Variants in PTGER3 observed in about 807,000 individuals in gnomAD.
The protein encoded by PTGER3 is prostaglandin E2 receptor EP3 subtype.
PTGER3 carries 22 observed loss-of-function variants against 34.7 expected under a neutral mutation model. The observed-to-expected ratio is 0.63, with a 90% CI of 0.45 to 0.91. The LOEUF (loss-of-function observed/expected upper bound fraction) is 0.91. Among genes scored for constraint, PTGER3 ranks in the 40% least tolerant of loss-of-function variants. PTGER3 has a pLI of 0.00. For synonymous variants in PTGER3, 241 were observed against 230.1 expected (o/e 1.05, Z -0.43); for missense variants, 468 against 519.4 (o/e 0.90, Z 0.96).
chr1:70,873,860 G>A (rs1360830846), intron 4 of PTGER3, among the ~76,000 whole-genome samples: 2 of 152,056 alleles, frequency 1.3e-5, no homozygotes, highest in East Asian at 1.9e-4. Flanking sequence ...TGTTGGCCAG[G>A]AGGGGGTTTT....
At chr1:70,863,334 T>C (rs6685646) in intron 4 of PTGER3, among the ~76,000 whole-genome samples, 24,312 of 152,056 alleles carry the variant, frequency 0.16, 2,428 homozygotes, top group African/African-American at 0.29. Context: ...TAAGCATCCT[T>C]AGGGTGCTTT....
chr1:70,962,037 T>A (rs1240730881), intron 2 of PTGER3, among the ~76,000 whole-genome samples: 1 of 152,182 alleles, frequency 6.6e-6, no homozygotes, highest in Admixed American at 6.5e-5. Context: ...TAGCTCTAAT[T>A]TTTGCAGCAG....
rs759776269 is a variant in PTGER3 at position 71,047,032 on chromosome 1, C to A, written c.546G>T (p.Trp182Cys). 2 of 1,611,082 alleles carry A rather than the reference C, an allele frequency of 1.2e-6. No individual in the cohort carries two copies. Among genetic ancestry groups the A allele is most frequent in the East Asian group, 4.5e-5 (2 of 44,826 alleles). The change falls in exon 1 of 4, where the codon TGG (tryptophan) becomes TGT (cysteine). Residue 182 changes from tryptophan (W) to cysteine (C), a missense_variant. Trp to Cys is a radical substitution (Grantham distance 215, BLOSUM62 -2). Transcript: ENST00000306666. ...RATRAVLLGVWLAVLAFALLP... is the reference protein window; with the variant it reads ...RATRAVLLGVCLAVLAFALLP... Reference sequence around the variant, plus strand: ...GCAGGGCGAAGGCGAGCACGGCCAGCCACACGCCGAGCAGCACAGCGCGGG... The same window carrying A: ...GCAGGGCGAAGGCGAGCACGGCCAGACACACGCCGAGCAGCACAGCGCGGG...
At chr1:70,897,885 A>G (rs1023218474) in intron 4 of PTGER3, among the ~76,000 whole-genome samples, 1 of 152,192 alleles carries the variant, frequency 6.6e-6, no homozygotes, top group Admixed American at 6.5e-5. Context: ...TCAGTTCTTC[A>G]AAGAAAAAGG....
At chr1:71,003,432 T>G (rs756353261) in intron 2 of PTGER3, among the ~76,000 whole-genome samples, 6 of 152,208 alleles carry the variant, frequency 3.9e-5, no homozygotes, top group African/African-American at 1.4e-4. Context: ...ATTTTTTAAA[T>G]AGCTACATTA....
chr1:70,910,062 A>T (rs1647029935), intron 4 of PTGER3, among the ~76,000 whole-genome samples: 1 of 152,252 alleles, frequency 6.6e-6, no homozygotes, highest in South Asian at 2.1e-4. Flanking sequence ...CTCAGTAATC[A>T]TTGCATGTTA....
chr1:70,923,511 A>G (rs1311895594), intron 4 of PTGER3, among the ~76,000 whole-genome samples: 4 of 152,156 alleles, frequency 2.6e-5, no homozygotes, highest in Non-Finnish European at 4.4e-5. Flanking sequence ...GTTTCTGATA[A>G]CTTTGGAGAT....
Position 70,986,623 on chromosome 1 carries a change from G to A in PTGER3, c.1078-12235C>T, listed in dbSNP as rs530723212. Among the ~76,000 whole-genome samples, 3 of 152,282 alleles carry A rather than the reference G, an allele frequency of 2.0e-5. 1 individual carries two copies. Among genetic ancestry groups the A allele is most frequent in the South Asian group, 4.1e-4 (2 of 4,824 alleles). ...ATGCCAGTGGCTGTCTAGCAACCAG[G>A]CAAGACAACAATTGATTCTGGGGAT... On this transcript the variant is annotated intron_variant, in intron 2 of 3. Coordinates refer to ENST00000306666, the MANE Select transcript of PTGER3 (RefSeq NM_198719.2).
chr1:70,939,286 T>C (rs952178025), intron 4 of PTGER3, among the ~76,000 whole-genome samples: 2 of 152,234 alleles, frequency 1.3e-5, no homozygotes, highest in African/African-American at 4.8e-5. Flanking sequence ...TCCACTTCTG[T>C]GGCTTTACAG....
downstream of PTGER3, among the ~76,000 whole-genome samples, chr1:70,968,041 C>A (rs1053164633): frequency 6.6e-6 from 1 of 152,174 alleles, no homozygotes; most frequent in African/African-American, 2.4e-5. Flanking sequence ...GCTTGGCATG[C>A]TTGTTCACAT....
chr1:70,962,619 G>A (rs973317136), intron 2 of PTGER3, among the ~76,000 whole-genome samples: 13 of 152,260 alleles, frequency 8.5e-5, no homozygotes, highest in Admixed American at 5.9e-4. Flanking sequence ...AAGGGAACTC[G>A]TCTTTATAAA....
intron 2 of PTGER3, among the ~76,000 whole-genome samples, chr1:71,001,151 T>C (rs1656445500): frequency 1.3e-5 from 2 of 152,250 alleles, no homozygotes; most frequent in East Asian, 1.9e-4. Context: ...ACTATTTGAC[T>C]TTTTAAAGAG....
Position 71,046,897 on chromosome 1 carries a change from G to A in PTGER3, c.681C>T (p.Asn227=), listed in dbSNP as rs1439715370. 2 of 1,612,824 alleles carry A rather than the reference G, an allele frequency of 1.2e-6. No homozygotes were observed. Residue 227 remains asparagine, a synonymous_variant, in exon 1 of 4, where the codon AAC becomes AAT. Transcript: ENST00000306666. ...NGTSSSHNWG[N]LFFASAFAFL... ...AGGCAAAGGCAGAGGCGAAGAAAAG[G>A]TTGCCCCAGTTATGCGAAGAGCTAG... is the stretch of plus-strand genomic sequence containing the variant.
At chr1:71,034,053 T>C (rs1002478037) in intron 1 of PTGER3, among the ~76,000 whole-genome samples, 2 of 152,138 alleles carry the variant, frequency 1.3e-5, no homozygotes, top group African/African-American at 4.8e-5. Flanking sequence ...ATTGTTATGA[T>C]GTGTCTGTAT....
At chr1:70,918,854 A>G (rs958372695) in intron 4 of PTGER3, among the ~76,000 whole-genome samples, 11 of 152,244 alleles carry the variant, frequency 7.2e-5, no homozygotes, top group African/African-American at 2.6e-4. Context: ...CTCCCTATAT[A>G]CTAGATACAT....
At position 70,892,573 on chromosome 1, in the gene PTGER3, G is replaced by A. The variant is rs371384109; in HGVS notation, c.*24-39714C>T. Among the ~76,000 whole-genome samples the A allele has an allele frequency of 4.6e-5, 7 of 152,094 alleles. No individual in the cohort carries two copies. The East Asian group carries it at 5.8e-4, about 13-fold the overall frequency. On this transcript the variant is annotated intron_variant, in intron 4 of 4. Coordinates refer to the PTGER3 transcript ENST00000370931. ...CATATTGTAACCTCCTTAGGAGGTG[G>A]CTCACACCTGTAATCCCAGCACTTT...
In PTGER3 at chr1:70,971,170, A is replaced by T. The variant is rs1653040090; in HGVS notation, c.*560T>A. The T allele has an allele frequency of 5.1e-6, 5 of 985,452 alleles. No homozygotes were observed. Among genetic ancestry groups the T allele is most frequent in the Non-Finnish European group, 4.8e-6 (4 of 829,944 alleles). The allele number at this position is 985,452 out of a possible 1,614,324, so 61.0% of individuals were successfully genotyped here. On this transcript the variant is annotated 3_prime_UTR_variant, in exon 4 of 4. Coordinates refer to ENST00000306666, the MANE Select transcript of PTGER3 (RefSeq NM_198719.2). ...TTAGTTCCATGCTAAGCCCACAGGG[A>T]CACAACATCTCTAAAACATTAATCA... is the stretch of plus-strand genomic sequence containing the variant.
intron 2 of PTGER3, among the ~76,000 whole-genome samples, chr1:70,964,334 A>G (rs986575959): frequency 6.6e-6 from 1 of 152,144 alleles, no homozygotes; most frequent in Non-Finnish European, 1.5e-5. Context: ...GCAACACTCA[A>G]TTTACTGTAT....
chr1:70,894,735 C>T (rs1191514967), intron 4 of PTGER3, among the ~76,000 whole-genome samples: 2 of 152,186 alleles, frequency 1.3e-5, no homozygotes, highest in African/African-American at 4.8e-5. Flanking sequence ...TCATCCCACC[C>T]TATCTCCAGT....
Sources: allele counts gnomAD v4.1 joint callset (sites outside exome capture counted in the v4.1 genomes callset), GRCh38; gene constraint gnomAD v4.1.1; transcripts MANE v1.5; gene names NCBI Gene and HGNC (gene_info 2026-07-23, HGNC 2026-07-21).